Variants in TMEM95 observed in about 807,000 individuals in gnomAD.
The protein encoded by TMEM95 is transmembrane protein 95, also known as sperm-egg fusion protein TMEM95.
A neutral mutation model predicts 27.7 loss-of-function variants in TMEM95; 21 were observed. The ratio of observed to expected loss-of-function variants is 0.76; its 90% confidence interval spans 0.54 to 1.09. The LOEUF is 1.09. TMEM95 is among the 50% of genes least tolerant of loss of function. The pLI is 0.00. For synonymous variants in TMEM95, 77 were observed against 85.7 expected (o/e 0.90, Z 0.56); for missense variants, 203 against 217.9 (o/e 0.93, Z 0.43).
chr17:7,355,911 C>T lies in TMEM95; in HGVS notation c.300C>T (p.Thr100=), dbSNP rs779396737. 7 of 1,613,958 alleles carry T rather than the reference C, an allele frequency of 4.3e-6. No individual in the cohort carries two copies. Among genetic ancestry groups the T allele is most frequent in the East Asian group, 2.2e-5 (1 of 44,860 alleles). ...GAAAGACCAAGCTCCCTGAGTACAC[C>T]AGGGAAGGTACCGATGCGGGATGGG... ...WLRKTKLPEY[T]REALCPPACR... is the part of the protein sequence containing the mutation. Residue 100 remains threonine, a synonymous_variant, in exon 3 of 7, where the codon ACC becomes ACT. Transcript: ENST00000576060. The surrounding 1 kb of genome is among the most constrained non-coding windows in gnomAD (Gnocchi z 4.9).
Position 7,356,935 on chromosome 17 carries a change from A to G in TMEM95, c.*303A>G. On this transcript the variant is annotated 3_prime_UTR_variant, in exon 7 of 7. Coordinates refer to ENST00000576060, the MANE Select transcript of TMEM95 (RefSeq NM_001320436.2). Reference sequence around the variant, plus strand: ...TGGCTGTCAACAATGCCAGGAAAATATCTACAGAAGGAAAGAATCCCCTAC... The same window carrying G: ...TGGCTGTCAACAATGCCAGGAAAATGTCTACAGAAGGAAAGAATCCCCTAC... 2.2e-6 allele frequency: 1 copy of G among 447,666 alleles called. No homozygotes were observed. The highest frequency in any genetic ancestry group is 3.9e-6 in the Non-Finnish European group (1 of 253,170). 27.7% of individuals were successfully genotyped at this position (447,666 alleles called of 1,614,324 possible). A position where few individuals can be genotyped will look rare whatever the true frequency, so the allele number is the denominator to read the frequency against.
At position 7,356,711 on chromosome 17, in the gene TMEM95, C is replaced by T. The variant is rs1458002820; in HGVS notation, c.*79C>T. On this transcript the variant is annotated 3_prime_UTR_variant, in exon 7 of 7. Transcript: ENST00000576060. ...CCACATCCCTTGGAGGGGAACCAGT[C>T]AGCCCCTTAGTCCCAGCTCCAAAGA... The T allele has an allele frequency of 2.0e-6, 3 of 1,507,824 alleles. No individual in the cohort carries two copies. The highest frequency in any genetic ancestry group is 1.2e-5 in the South Asian group (1 of 86,582). The allele number at this position is 1,507,824 out of a possible 1,614,324, so 93.4% of individuals were successfully genotyped here. A position where few individuals can be genotyped will look rare whatever the true frequency, so the allele number is the denominator to read the frequency against.
rs2073523391 is a variant in TMEM95, at chr17:7,357,012, G to A, written c.*380G>A. Reference sequence around the variant, plus strand: ...TTCTGCCTGTTCCGGGAAAGCGGGGGCATCTGCCCCAGAAGCTATTCCAGG... The same window carrying A: ...TTCTGCCTGTTCCGGGAAAGCGGGGACATCTGCCCCAGAAGCTATTCCAGG... On this transcript the variant is annotated 3_prime_UTR_variant, in exon 7 of 7. Transcript: ENST00000576060. 6.5e-6 allele frequency: 2 copies of A among 307,118 alleles called. No homozygotes were observed. The highest frequency in any genetic ancestry group is 9.3e-5 in the Admixed American group (2 of 21,500). 19.0% of individuals were successfully genotyped at this position (307,118 alleles called of 1,614,324 possible).
At position 7,355,590 on chromosome 17, in the gene TMEM95, G is replaced by A; in HGVS notation, c.174G>A (p.Glu58=). The part of the protein sequence containing the change: ...SPDFSAFALD[E]VSMNKVTEKT... ...GGTCCTTGCCCATCTCCACAGATGA[G>A]GTGTCCATGAACAAAGTCACAGAGA... The change falls in exon 2 of 7, where the codon GAG becomes GAA. Residue 58 remains glutamate (E), a synonymous_variant. Transcript: ENST00000576060. This position sits in a 1 kb window ranked among gnomAD's most constrained non-coding sequence, Gnocchi z 4.9. 1 of 1,555,326 alleles carries A rather than the reference G, an allele frequency of 6.4e-7. No individual in the cohort carries two copies. Among genetic ancestry groups the A allele is most frequent in the Non-Finnish European group, 8.7e-7 (1 of 1,148,726 alleles).
Position 7,355,388 on chromosome 17 carries a change from C to A in TMEM95, c.169+15C>A. 1 of 1,603,238 alleles carries A rather than the reference C, an allele frequency of 6.2e-7. No homozygotes were observed. The highest frequency in any genetic ancestry group is 8.5e-7 in the Non-Finnish European group (1 of 1,172,468). ...CTTTGCCTTAGGTAGGACCAGACAT[C>A]CAGGGATGGGCCCAGCAAGCACTCA... On this transcript the variant is annotated intron_variant, in intron 1 of 6. Transcript: ENST00000576060. The surrounding 1 kb of genome is among the most constrained non-coding windows in gnomAD (Gnocchi z 4.9).
In TMEM95 at chr17:7,355,565, G is replaced by A; in HGVS notation, c.170-21G>A. ...AACCTGGGCTGATGAGGGAATCGCTGGTCCTTGCCCATCTCCACAGATGAG... is the reference window on the plus strand; with the variant it reads ...AACCTGGGCTGATGAGGGAATCGCTAGTCCTTGCCCATCTCCACAGATGAG... On this transcript the variant is annotated intron_variant, in intron 1 of 6. Transcript: ENST00000576060. The surrounding 1 kb of genome is among the most constrained non-coding windows in gnomAD (Gnocchi z 4.9). 1 of 1,553,494 alleles carries A rather than the reference G, an allele frequency of 6.4e-7. No homozygotes were observed. Among genetic ancestry groups the A allele is most frequent in the Non-Finnish European group, 8.7e-7 (1 of 1,147,790 alleles).
Position 7,356,767 on chromosome 17 carries a change from C to G in TMEM95, c.*135C>G, listed in dbSNP as rs1248354764. 1.1e-6 allele frequency: 1 copy of G among 929,114 alleles called. No individual in the cohort carries two copies. The highest frequency in any genetic ancestry group is 1.6e-6 in the Non-Finnish European group (1 of 616,272). 57.6% of individuals were successfully genotyped at this position (929,114 alleles called of 1,614,324 possible). On this transcript the variant is annotated 3_prime_UTR_variant, in exon 7 of 7. Coordinates refer to ENST00000576060, the MANE Select transcript of TMEM95 (RefSeq NM_001320436.2). ...TCCAGACCCTAAAACCCAGACATCC[C>G]TGCTTCTGGTTGGTGAGATAATGAA... is the stretch of plus-strand genomic sequence containing the variant.
chr17:7,355,445 T>C lies in TMEM95; in HGVS notation c.169+72T>C. On this transcript the variant is annotated intron_variant, in intron 1 of 6. Transcript: ENST00000576060. This position sits in a 1 kb window ranked among gnomAD's most constrained non-coding sequence, Gnocchi z 4.9. ...TACCCCCAGAGGGTGGCATGTGACC[T>C]TCCAGCTGTGCCCTCCATCTGTGGC... 1 of 1,567,282 alleles carries C rather than the reference T, an allele frequency of 6.4e-7. No individual in the cohort carries two copies. The highest frequency in any genetic ancestry group is 1.2e-5 in the South Asian group (1 of 85,102).
chr17:7,356,104 G>A, intron 4 of TMEM95, 55 bp downstream of exon 4: 1 of 1,612,546 alleles, frequency 6.2e-7, no homozygotes, highest in Non-Finnish European at 8.5e-7. Flanking sequence ...GGTGTCAGAG[G>A]AGGGCCTGGC....
Position 7,356,185 on chromosome 17 carries a change from G to A in TMEM95, c.329-11G>A. 6.3e-7 allele frequency: 1 copy of A among 1,575,172 alleles called. No individual in the cohort carries two copies. The highest frequency in any genetic ancestry group is 8.6e-7 in the Non-Finnish European group (1 of 1,158,810). On this transcript the variant is annotated splice_polypyrimidine_tract_variant and intron_variant, in intron 4 of 6. Transcript: ENST00000576060. ...TCCCCTCCCCAGCGTTGCCTCTGCT[G>A]TCTCCTGCAGGGGGCAGCACCACGC...
Position 7,355,789 on chromosome 17 carries a change from C to T in TMEM95, c.227-49C>T. ...AGGGGCTGCGTGAAGAGAGGGGGAACTGGCCCCGTCGAGGCCCAGGGAAAC... is the reference window on the plus strand; with the variant it reads ...AGGGGCTGCGTGAAGAGAGGGGGAATTGGCCCCGTCGAGGCCCAGGGAAAC... On this transcript the variant is annotated intron_variant, in intron 2 of 6. Coordinates refer to ENST00000576060, the MANE Select transcript of TMEM95 (RefSeq NM_001320436.2). The surrounding 1 kb of genome is among the most constrained non-coding windows in gnomAD (Gnocchi z 4.9). 1 of 1,590,956 alleles carries T rather than the reference C, an allele frequency of 6.3e-7. No individual in the cohort carries two copies. Among genetic ancestry groups the T allele is most frequent in the Non-Finnish European group, 8.6e-7 (1 of 1,159,646 alleles).
In TMEM95 at chr17:7,355,488, G is replaced by C. The variant is rs2073475850; in HGVS notation, c.170-98G>C. The stretch of plus-strand genomic sequence containing the variant: ...TCTGTGGCCCTTTCTGGACATGCTG[G>C]CCTTTCCCTCTGAGAGAGCTCCATA... On this transcript the variant is annotated intron_variant, in intron 1 of 6. Transcript: ENST00000576060. The surrounding 1 kb of genome is among the most constrained non-coding windows in gnomAD (Gnocchi z 4.9). 64 of 1,531,486 alleles carry C rather than the reference G, an allele frequency of 4.2e-5. 2 individuals carry two copies. In the South Asian group the frequency reaches 6.3e-4, roughly 15 times the overall value. 94.9% of individuals were successfully genotyped at this position (1,531,486 alleles called of 1,614,324 possible).
At position 7,356,170 on chromosome 17, in the gene TMEM95, AGCGTTGCCTCT is replaced by A. The variant is rs2073496781; in HGVS notation, c.329-23_329-13del. ...GGTGGAGGCCCGGCCTCCCCTCCCC[AGCGTTGCCTCT>A]GCTGTCTCCTGCAGGGGGCAGCACC... On this transcript the variant is annotated splice_polypyrimidine_tract_variant and intron_variant, in intron 4 of 6. Coordinates refer to ENST00000576060, the MANE Select transcript of TMEM95 (RefSeq NM_001320436.2). The A allele has an allele frequency of 3.2e-6, 5 of 1,582,966 alleles. No individual in the cohort carries two copies. In the Admixed American group the frequency reaches 8.8e-5, roughly 28 times the overall value.
intron 5 of TMEM95, 42 bp downstream of exon 5, chr17:7,356,318 C>T: frequency 1.2e-6 from 2 of 1,603,522 alleles, no homozygotes; most frequent in Non-Finnish European, 1.7e-6. Flanking sequence ...TTGCCCAGAT[C>T]CCTGAGCCCT....
At position 7,355,350 on chromosome 17, in the gene TMEM95, C is replaced by T. The variant is rs1328921909; in HGVS notation, c.146C>T (p.Pro49Leu). Residue 49 changes from proline to leucine, a missense_variant, in exon 1 of 7, where the codon CCA (proline) becomes CTA (leucine). Physicochemically the swap from Pro to Leu is moderately conservative, Grantham distance 98. Transcript: ENST00000576060. This position sits in a 1 kb window ranked among gnomAD's most constrained non-coding sequence, Gnocchi z 4.9. ...AGGCAGAAGGAATGTGGGGCCTCCC[C>T]AGACTTCTCGGCCTTTGCCTTAGGT... ...EARQKECGAS[P>L]DFSAFALDEV... The T allele has an allele frequency of 6.2e-7, 1 of 1,613,522 alleles. No homozygotes were observed. The highest frequency in any genetic ancestry group is 8.5e-7 in the Non-Finnish European group (1 of 1,179,634).
At position 7,355,497 on chromosome 17, in the gene TMEM95, T is replaced by G; in HGVS notation, c.170-89T>G. 1 of 1,531,952 alleles carries G rather than the reference T, an allele frequency of 6.5e-7. No homozygotes were observed. Among genetic ancestry groups the G allele is most frequent in the Non-Finnish European group, 8.8e-7 (1 of 1,133,828 alleles). The allele number at this position is 1,531,952 out of a possible 1,614,324, so 94.9% of individuals were successfully genotyped here. A position where few individuals can be genotyped will look rare whatever the true frequency, so the allele number is the denominator to read the frequency against. ...CTTTCTGGACATGCTGGCCTTTCCCTCTGAGAGAGCTCCATATCTGGGAAA... is the reference window on the plus strand; with the variant it reads ...CTTTCTGGACATGCTGGCCTTTCCCGCTGAGAGAGCTCCATATCTGGGAAA... On this transcript the variant is annotated intron_variant, in intron 1 of 6. Transcript: ENST00000576060. The surrounding 1 kb of genome is among the most constrained non-coding windows in gnomAD (Gnocchi z 4.9).
chr17:7,356,174 T>G (rs1202027984), intron 4 of TMEM95, 22 bp from the exon 5 acceptor site: 1 of 1,581,166 alleles, frequency 6.3e-7, no homozygotes, highest in South Asian at 1.2e-5. Context: ...CTCCCCAGCG[T>G]TGCCTCTGCT....
In TMEM95 at chr17:7,356,936, T is replaced by G. The variant is rs1051577450; in HGVS notation, c.*304T>G. 6.7e-5 allele frequency: 30 copies of G among 448,432 alleles called. No individual in the cohort carries two copies. The highest frequency in any genetic ancestry group is 6.0e-4 in the African/African-American group (30 of 49,726). The allele number at this position is 448,432 out of a possible 1,614,324, so 27.8% of individuals were successfully genotyped here. On this transcript the variant is annotated 3_prime_UTR_variant, in exon 7 of 7. Coordinates refer to ENST00000576060, the MANE Select transcript of TMEM95 (RefSeq NM_001320436.2). ...GGCTGTCAACAATGCCAGGAAAATA[T>G]CTACAGAAGGAAAGAATCCCCTACG... is the stretch of plus-strand genomic sequence containing the variant.
chr17:7,356,852 G>T lies in TMEM95; in HGVS notation c.*220G>T. ...CAATCCCAGTGTCAGATGGCCTCCC[G>T]GGAACCCAGGCACCCACAGCTGGAA... On this transcript the variant is annotated 3_prime_UTR_variant, in exon 7 of 7. Coordinates refer to ENST00000576060, the MANE Select transcript of TMEM95 (RefSeq NM_001320436.2). 1 of 554,442 alleles carries T rather than the reference G, an allele frequency of 1.8e-6. No individual in the cohort carries two copies. Among genetic ancestry groups the T allele is most frequent in the Non-Finnish European group, 3.2e-6 (1 of 313,442 alleles). The allele number at this position is 554,442 out of a possible 1,614,324, so 34.3% of individuals were successfully genotyped here.
Sources: allele counts gnomAD v4.1 joint callset, GRCh38; gene constraint gnomAD v4.1.1; non-coding constraint Gnocchi (gnomAD v3.1); transcripts MANE v1.5; gene names NCBI Gene and HGNC (gene_info 2026-07-23, HGNC 2026-07-21).